ALPK2: variants seen among roughly 807,000 people sequenced by gnomAD.
The protein encoded by ALPK2 is alpha kinase 2, also known as alpha-protein kinase 2.
Under a neutral mutation model 163.1 loss-of-function variants are expected in ALPK2, and 127 were observed. The observed-to-expected ratio is 0.78, with a 90% confidence interval of 0.67 to 0.90. The LOEUF (loss-of-function observed/expected upper bound fraction) is 0.90. Among genes scored for constraint, ALPK2 ranks in the 40% least tolerant of loss-of-function variants. The probability of loss-of-function intolerance (pLI) is 0.00; values close to 1 mark genes in which losing one functional copy is unlikely to be tolerated. For missense variants in ALPK2, 2,360 were observed against 2,589.6 expected (o/e 0.91, Z 1.92); for synonymous variants, 953 against 959.1 (o/e 0.99, Z 0.12).
rs376079959 is a variant in ALPK2 at position 58,553,911 on chromosome 18, GA to G, written c.1963-15688del. Among the ~76,000 whole-genome samples the G allele has an allele frequency of 7.7e-4, 100 of 129,060 alleles. 2 individuals carry two copies. In the East Asian group the frequency reaches 0.021, roughly 27 times the overall value. The allele number at this position is 129,060 out of a possible 152,430, so 84.7% of individuals were successfully genotyped here. The stretch of plus-strand genomic sequence containing the variant: ...GAGTCTCACTCTGTCACTCAGGCTA[GA>G]GTGCAGTGGCATGATCTTGGCTCAC... On this transcript the variant is annotated intron_variant, in intron 4 of 12. Transcript: ENST00000361673.
intron 1 of ALPK2, among the ~76,000 whole-genome samples, chr18:58,622,555 G>T (rs2052207414): frequency 6.6e-6 from 1 of 152,122 alleles, no homozygotes; most frequent in Non-Finnish European, 1.5e-5. Context: ...CCTATCTTGG[G>T]GTAAAGACAG....
chr18:58,557,672 G>C (rs1288800328), intron 4 of ALPK2, among the ~76,000 whole-genome samples: 2 of 792 alleles, frequency 2.5e-3, no homozygotes, highest in Non-Finnish European at 5.5e-3. Context: ...ATATATACGT[G>C]TGTGTGTGTG....
chr18:58,539,849 C>T (rs1212449114), intron 4 of ALPK2, among the ~76,000 whole-genome samples: 1 of 152,196 alleles, frequency 6.6e-6, no homozygotes, highest in Non-Finnish European at 1.5e-5. Context: ...CATAATCACA[C>T]CTCTTTCCAC....
chr18:58,484,698 C>T (rs531813095), intron 12 of ALPK2, among the ~76,000 whole-genome samples: 5 of 152,190 alleles, frequency 3.3e-5, no homozygotes, highest in East Asian at 1.9e-4. Context: ...GAGACGAGAT[C>T]GCGCCACTGC....
intron 4 of ALPK2, among the ~76,000 whole-genome samples, chr18:58,567,949 C>T (rs904883086): frequency 5.3e-5 from 8 of 152,102 alleles, no homozygotes; most frequent in South Asian, 2.1e-4. Flanking sequence ...TTGAGGTCTC[C>T]GCACCCTCAA....
intron 1 of ALPK2, among the ~76,000 whole-genome samples, chr18:58,624,587 T>C (rs1462681134): frequency 6.6e-6 from 1 of 152,208 alleles, no homozygotes; most frequent in Non-Finnish European, 1.5e-5. Flanking sequence ...CTCAAGTGGC[T>C]GGGATTACAG....
intron 12 of ALPK2, among the ~76,000 whole-genome samples, chr18:58,485,293 G>A (rs947157514): frequency 1.3e-5 from 2 of 152,214 alleles, no homozygotes; most frequent in African/African-American, 4.8e-5. Flanking sequence ...TCCTTCATTG[G>A]CTGGTAGAAA....
intron 10 of ALPK2, among the ~76,000 whole-genome samples, chr18:58,506,800 G>A (rs987173621): frequency 6.6e-6 from 1 of 152,208 alleles, no homozygotes; most frequent in African/African-American, 2.4e-5. Context: ...ACAGTTCTCT[G>A]TGGGGGTGGC....
rs751628401 is a variant in ALPK2, at chr18:58,579,841, G to T, written c.935C>A (p.Pro312Gln). ...CTCGGTGTAGGTTAGGGTTATCTCT[G>T]GGCAAAGTTCATAGTCACTGTCAGA... ...EDSDSDYELC[P>Q]EITLTYTEEF... Residue 312 changes from proline (P) to glutamine (Q), a missense_variant, in exon 4 of 13, where the codon CCA (proline) becomes CAA (glutamine). Transcript: ENST00000361673. 1 of 1,614,182 alleles carries T rather than the reference G, an allele frequency of 6.2e-7. No individual in the cohort carries two copies. Among genetic ancestry groups the T allele is most frequent in the Non-Finnish European group, 8.5e-7 (1 of 1,180,028 alleles).
chr18:58,566,675 T>G (rs1374549337), intron 4 of ALPK2: 1 of 152,184 alleles, frequency 6.6e-6, no homozygotes, highest in Non-Finnish European at 1.5e-5. Context: ...AGCTGTAAAA[T>G]GCACACCTGT....
rs977996540 is a variant in ALPK2, at chr18:58,607,498, A to C, written c.110-59T>G. 4 of 1,174,592 alleles carry C rather than the reference A, an allele frequency of 3.4e-6. No homozygotes were observed. The African/African-American group carries it at 4.7e-5, about 14-fold the overall frequency. The allele number at this position is 1,174,592 out of a possible 1,614,324, so 72.8% of individuals were successfully genotyped here. Reference sequence around the variant, plus strand: ...TTTAAGTATTTTTAGGAAAAAAAAAAAAACCCATAAAGCTATGAACAAGGA... The same window carrying C: ...TTTAAGTATTTTTAGGAAAAAAAAACAAACCCATAAAGCTATGAACAAGGA... On this transcript the variant is annotated intron_variant, in intron 2 of 12. Coordinates refer to ENST00000361673, the MANE Select transcript of ALPK2 (RefSeq NM_052947.4).
chr18:58,537,392 G>GGCT lies in ALPK2; in HGVS notation c.2792_2794dup (p.Gln931dup), dbSNP rs2051657595. The stretch of plus-strand genomic sequence containing the variant: ...AAGCCCTCCTGAGTTGCTGGGGCTT[G>GGCT]GCTGCTCCTGGCCAGCATGTACTGT... On this transcript the variant is annotated inframe_insertion, in exon 5 of 13. Transcript: ENST00000361673. 1.2e-6 allele frequency: 2 copies of GGCT among 1,613,668 alleles called. No homozygotes were observed. Among genetic ancestry groups the GGCT allele is most frequent in the Admixed American group, 3.3e-5 (2 of 59,990 alleles).
intron 4 of ALPK2, among the ~76,000 whole-genome samples, chr18:58,542,050 A>C (rs969603543): frequency 1.3e-5 from 2 of 152,208 alleles, no homozygotes; most frequent in Non-Finnish European, 2.9e-5. Flanking sequence ...CAATTTCCTT[A>C]TGTAGGGAAA....
At chr18:58,578,572 C>A in intron 4 of ALPK2, 1 of 385,678 alleles carries the variant, frequency 2.6e-6, no homozygotes, top group Non-Finnish European at 4.6e-6. Flanking sequence ...CAGTCTTTTG[C>A]TATAATTAGG....
chr18:58,573,226 G>GAATATATGTA (rs2051895545), intron 4 of ALPK2, among the ~76,000 whole-genome samples: 1 of 139,466 alleles, frequency 7.2e-6, no homozygotes, highest in African/African-American at 2.7e-5. Context: ...ATATATATGT[G>GAATATATGTA]TATATGTGTG....
chr18:58,559,620 A>T (rs912275437), intron 4 of ALPK2, among the ~76,000 whole-genome samples: 1 of 152,180 alleles, frequency 6.6e-6, no homozygotes, highest in East Asian at 1.9e-4. Flanking sequence ...TTGATTGGCT[A>T]TGGAGTCTCT....
rs772818300 is a variant in ALPK2 at position 58,536,392 on chromosome 18, A to G, written c.3795T>C (p.Gly1265=). 5.6e-5 allele frequency: 90 copies of G among 1,613,994 alleles called. No individual in the cohort carries two copies. The highest frequency in any genetic ancestry group is 7.4e-5 in the Non-Finnish European group (87 of 1,180,028). Residue 1265 remains glycine, a synonymous_variant, in exon 5 of 13, where the codon GGT becomes GGC. Coordinates refer to ENST00000361673, the MANE Select transcript of ALPK2 (RefSeq NM_052947.4). ...CCCAGACCTTGTCAGGAATTATGAG[A>G]CCACCGTCTGATGCCTTGCTCTCAG... ...TNSESKASDG[G]LIIPDKVWAV...
intron 2 of ALPK2, among the ~76,000 whole-genome samples, chr18:58,609,465 T>C (rs1195032293): frequency 1.3e-5 from 2 of 152,192 alleles, no homozygotes; most frequent in South Asian, 2.1e-4. Context: ...TTTTTGTGGG[T>C]ACGTGGCTGT....
At chr18:58,583,577 G>A (rs893413249) in intron 3 of ALPK2, among the ~76,000 whole-genome samples, 5 of 152,050 alleles carry the variant, frequency 3.3e-5, no homozygotes, top group Admixed American at 3.3e-4. Context: ...ACTTCAGGAG[G>A]CTGAAGTGGG....
Sources: allele counts gnomAD v4.1 joint callset (sites outside exome capture counted in the v4.1 genomes callset), GRCh38; gene constraint gnomAD v4.1.1; transcripts MANE v1.5; gene names NCBI Gene and HGNC (gene_info 2026-07-23, HGNC 2026-07-21).